Variants in DSCAM observed in about 807,000 individuals in gnomAD.
The protein encoded by DSCAM is DS cell adhesion molecule, also known as cell adhesion molecule DSCAM.
A neutral mutation model predicts 217.7 loss-of-function variants in DSCAM; 47 were observed. The observed-to-expected ratio is 0.22, with a 90% CI of 0.17 to 0.28. The LOEUF (loss-of-function observed/expected upper bound fraction) is 0.28. Ranked by LOEUF, DSCAM falls within the 10% of genes least tolerant of loss-of-function variation. The pLI is 1.00. For missense variants in DSCAM, 2,080 were observed against 2,618.3 expected (o/e 0.79, Z 4.49); for synonymous variants, 1,056 against 1,015.3 (o/e 1.04, Z -0.76).
intron 1 of DSCAM, among the ~76,000 whole-genome samples, chr21:40,723,978 G>A (rs1283596521): frequency 1.3e-5 from 2 of 152,196 alleles, no homozygotes; most frequent in Non-Finnish European, 2.9e-5. Context: ...GAAAATGTCT[G>A]AGTATTGTTT....
At chr21:40,540,049 G>A (rs781380957) in intron 3 of DSCAM, among the ~76,000 whole-genome samples, 1 of 152,042 alleles carries the variant, frequency 6.6e-6, no homozygotes, top group African/African-American at 2.4e-5. Flanking sequence ...TGCATTTGGG[G>A]TGCTTTATTT....
intron 10 of DSCAM, among the ~76,000 whole-genome samples, chr21:40,280,045 G>A (rs912727206): frequency 1.3e-5 from 2 of 151,858 alleles, no homozygotes; most frequent in South Asian, 2.1e-4. Context: ...AGGTTGATGG[G>A]TGCAGCAAAC....
Position 40,407,324 on chromosome 21 carries a change from G to T in DSCAM, c.509-38079C>A, listed in dbSNP as rs182077139. Among the ~76,000 whole-genome samples the T allele has an allele frequency of 2.6e-5, 4 of 152,206 alleles. No homozygotes were observed. The South Asian group carries it at 8.3e-4, about 32-fold the overall frequency. On this transcript the variant is annotated intron_variant, in intron 3 of 32. Transcript: ENST00000400454. The stretch of plus-strand genomic sequence containing the variant: ...TAAAACTAAATTTTAAAAAGAGAAG[G>T]TCTCCAATAAATCAGTCCTCTCCAT...
chr21:40,075,200 T>C lies in DSCAM; in HGVS notation c.4725A>G (p.Pro1575=). 1 of 1,613,990 alleles carries C rather than the reference T, an allele frequency of 6.2e-7. No homozygotes were observed. The highest frequency in any genetic ancestry group is 8.5e-7 in the Non-Finnish European group (1 of 1,180,008). ...CGTTTTGGACAACTGACTTAATGAG[T>C]GGAGGAATTGTACCTGAAAGCAGGG... The part of the protein sequence containing the change: ...TLNYDGSTIP[P]LIKSVVQNEE... The change falls in exon 27 of 33, where the codon CCA becomes CCG. Residue 1575 remains proline, a synonymous_variant. Coordinates refer to ENST00000400454, the MANE Select transcript of DSCAM (RefSeq NM_001389.5).
chr21:40,235,481 C>T (rs934425348), intron 11 of DSCAM, among the ~76,000 whole-genome samples: 2 of 152,148 alleles, frequency 1.3e-5, no homozygotes, highest in Non-Finnish European at 2.9e-5. Context: ...GTGTAGGGCT[C>T]TTTCTGAGCT....
intron 11 of DSCAM, among the ~76,000 whole-genome samples, chr21:40,193,953 AACC>A (rs1395212730): frequency 6.6e-6 from 1 of 152,148 alleles, no homozygotes; most frequent in Non-Finnish European, 1.5e-5. Flanking sequence ...AGTACTTTAA[AACC>A]ACCAACTGGA....
chr21:40,288,761 G>A (rs946004731), intron 10 of DSCAM, among the ~76,000 whole-genome samples: 1 of 152,176 alleles, frequency 6.6e-6, no homozygotes, highest in Non-Finnish European at 1.5e-5. Context: ...CTGACTAATG[G>A]CTATGTGCCA....
intron 1 of DSCAM, among the ~76,000 whole-genome samples, chr21:40,843,371 T>C (rs913783684): frequency 2.8e-4 from 10 of 35,626 alleles, no homozygotes; most frequent in African/African-American, 1.3e-3. Context: ...TGCATGCATG[T>C]GTGTGTGTGT....
chr21:40,500,681 G>C (rs758049888), intron 3 of DSCAM, among the ~76,000 whole-genome samples: 3 of 152,238 alleles, frequency 2.0e-5, no homozygotes, highest in Admixed American at 6.5e-5. Flanking sequence ...CAGGGGCTAA[G>C]AGCAGCTCAA....
At chr21:40,675,037 G>A (rs562237156) in intron 3 of DSCAM, among the ~76,000 whole-genome samples, 1,552 of 146,618 alleles carry the variant, frequency 0.011, 21 homozygotes, top group African/African-American at 0.039. Context: ...ACACATGCAC[G>A]CGCACACACG....
chr21:40,015,649 C>T (rs2088144565), intron 32 of DSCAM, among the ~76,000 whole-genome samples: 1 of 152,162 alleles, frequency 6.6e-6, no homozygotes, highest in Non-Finnish European at 1.5e-5. Context: ...GTTTCCCAGG[C>T]TGGTCTCAAA....
intron 3 of DSCAM, among the ~76,000 whole-genome samples, chr21:40,657,588 G>T (rs911812418): frequency 6.6e-6 from 1 of 152,146 alleles, no homozygotes; most frequent in Non-Finnish European, 1.5e-5. Flanking sequence ...ACACCCTTTG[G>T]TGACTTACCC....
intron 3 of DSCAM, among the ~76,000 whole-genome samples, chr21:40,427,898 C>A (rs1426569682): frequency 6.6e-6 from 1 of 152,134 alleles, no homozygotes; most frequent in African/African-American, 2.4e-5. Flanking sequence ...AGGCAGAAAG[C>A]CCCATTTTTT....
chr21:40,021,473 C>T lies in DSCAM; in HGVS notation c.5687-8087G>A, dbSNP rs544441268. ...ACTGGCCCATCCATCACTGGGGCAC[C>T]CATTTCTCATTCTTTTCTCATCAGC... On this transcript the variant is annotated intron_variant, in intron 32 of 32. Coordinates refer to ENST00000400454, the MANE Select transcript of DSCAM (RefSeq NM_001389.5). Among the ~76,000 whole-genome samples, 8 of 152,220 alleles carry T rather than the reference C, an allele frequency of 5.3e-5. No homozygotes were observed. The East Asian group carries it at 1.2e-3, about 22-fold the overall frequency.
At chr21:40,236,085 T>A (rs762488342) in intron 11 of DSCAM, among the ~76,000 whole-genome samples, 25 of 152,180 alleles carry the variant, frequency 1.6e-4, no homozygotes, top group Admixed American at 3.3e-4. Context: ...CTTAAATATA[T>A]AAACTTGTTT....
chr21:40,129,118 GGTGT>G (rs202105087), intron 19 of DSCAM, among the ~76,000 whole-genome samples: 3 of 152,056 alleles, frequency 2.0e-5, no homozygotes, highest in Non-Finnish European at 2.9e-5. Flanking sequence ...GCCACAGGCA[GGTGT>G]GTGTGTGACT....
At chr21:40,713,891 T>C (rs1292586795) in intron 1 of DSCAM, among the ~76,000 whole-genome samples, 1 of 152,200 alleles carries the variant, frequency 6.6e-6, no homozygotes, top group Non-Finnish European at 1.5e-5. Flanking sequence ...GCACTCTCCG[T>C]GGCTTGCTAC....
chr21:40,734,087 A>G (rs2091039251), intron 1 of DSCAM, among the ~76,000 whole-genome samples: 1 of 152,196 alleles, frequency 6.6e-6, no homozygotes, highest in African/African-American at 2.4e-5. Context: ...TTAATAAATG[A>G]TAAGCAGAGT....
At chr21:40,125,392 A>G (rs1420308446) in intron 19 of DSCAM, among the ~76,000 whole-genome samples, 1 of 152,160 alleles carries the variant, frequency 6.6e-6, no homozygotes, top group Non-Finnish European at 1.5e-5. Flanking sequence ...TTTCTCATTA[A>G]CCTCACTGTC....
Sources: allele counts gnomAD v4.1 joint callset (sites outside exome capture counted in the v4.1 genomes callset), GRCh38; gene constraint gnomAD v4.1.1; transcripts MANE v1.5; gene names NCBI Gene and HGNC (gene_info 2026-07-23, HGNC 2026-07-21).